The following SEMA3A variants were observed in gnomAD, a reference collection of about 807,000 sequenced individuals.
SEMA3A encodes the protein semaphorin-3A.
A neutral mutation model predicts 97.9 loss-of-function variants in SEMA3A; 29 were observed. The ratio of observed to expected loss-of-function variants is 0.30; its 90% CI spans 0.22 to 0.40. The LOEUF (loss-of-function observed/expected upper bound fraction) is 0.40. Among genes scored for constraint, SEMA3A ranks in the 10% least tolerant of loss-of-function variants. The pLI is 1.00. For missense variants in SEMA3A, 763 were observed against 951.3 expected, an observed-to-expected ratio of 0.80 and a Z score of 2.60; for synonymous variants, 321 against 323.7, an observed-to-expected ratio of 0.99 and a Z score of 0.09.
At chr7:84,410,972 C>A (rs1804249154) in intron 1 of SEMA3A, among the ~76,000 whole-genome samples, 1 of 152,046 alleles carries the variant, frequency 6.6e-6, no homozygotes, top group African/African-American at 2.4e-5. Flanking sequence ...GGGATTGTAA[C>A]TTTTTATTCC....
At chr7:84,418,607 C>T (rs1804499449) in intron 1 of SEMA3A, among the ~76,000 whole-genome samples, 1 of 151,944 alleles carries the variant, frequency 6.6e-6, no homozygotes, top group African/African-American at 2.4e-5. Flanking sequence ...TTGCTGAGTC[C>T]TCTATTTTTC....
chr7:84,185,757 C>T (rs1214686603), intron 1 of SEMA3A, among the ~76,000 whole-genome samples: 2 of 148,024 alleles, frequency 1.4e-5, no homozygotes, highest in Admixed American at 1.3e-4. Context: ...AAGAAACCAT[C>T]ATTATAAATC....
At chr7:84,129,015 C>T (rs752507030) in intron 3 of SEMA3A, 108 bp downstream of exon 3, 16 of 789,312 alleles carry the variant, frequency 2.0e-5, no homozygotes, top group South Asian at 6.2e-5. Flanking sequence ...AGATTCTAAC[C>T]CCTTCCCCAC....
intron 12 of SEMA3A, 30 bp from the exon 13 acceptor site, chr7:83,985,507 T>C: frequency 6.3e-7 from 1 of 1,592,434 alleles, no homozygotes; most frequent in Non-Finnish European, 8.6e-7. Flanking sequence ...ATGTGAGGTG[T>C]TTGGTCAATT....
intron 1 of SEMA3A, among the ~76,000 whole-genome samples, chr7:84,425,037 T>A (rs1584315230): frequency 9.6e-6 from 1 of 103,694 alleles, no homozygotes; most frequent in Non-Finnish European, 1.7e-5. Context: ...TAATTATTTA[T>A]AATTATATAT....
chr7:84,361,446 G>A (rs765704887), intron 2 of SEMA3A, among the ~76,000 whole-genome samples: 8 of 151,976 alleles, frequency 5.3e-5, no homozygotes, highest in South Asian at 2.1e-4. Flanking sequence ...CTATTGCAAG[G>A]TAGAGGAAAT....
intron 4 of SEMA3A, among the ~76,000 whole-genome samples, chr7:84,061,991 ACT>A (rs1359580515): frequency 2.0e-5 from 3 of 152,190 alleles, no homozygotes; most frequent in Non-Finnish European, 4.4e-5. Context: ...TTCTCTGGTC[ACT>A]GTTTCATATC....
intron 2 of SEMA3A, among the ~76,000 whole-genome samples, chr7:84,349,943 A>G (rs1802394314): frequency 1.3e-5 from 2 of 152,092 alleles, no homozygotes; most frequent in Non-Finnish European, 2.9e-5. Context: ...TTATAAATCT[A>G]TCTGCCTTCT....
chr7:84,069,145 T>G (rs1793650799), intron 4 of SEMA3A, among the ~76,000 whole-genome samples: 1 of 152,108 alleles, frequency 6.6e-6, no homozygotes, highest in South Asian at 2.1e-4. Context: ...TGACACTTCT[T>G]ACACATGTTT....
chr7:84,165,115 G>C (rs1225399787), intron 1 of SEMA3A, among the ~76,000 whole-genome samples: 1 of 152,132 alleles, frequency 6.6e-6, no homozygotes, highest in East Asian at 1.9e-4. Flanking sequence ...GGCTGAAGTG[G>C]CAGAACAGCT....
chr7:83,980,623 A>T (rs200026234), intron 14 of SEMA3A, among the ~76,000 whole-genome samples: 20,700 of 70,720 alleles, frequency 0.29, 3,080 homozygotes, highest in East Asian at 0.51. Context: ...AAAAAAAAAA[A>T]ATATATATAT....
chr7:84,074,825 T>C (rs549282874), intron 4 of SEMA3A, among the ~76,000 whole-genome samples: 3,890 of 118,662 alleles, frequency 0.033, 167 homozygotes, highest in African/African-American at 0.11. Context: ...TTTTCAAAAA[T>C]TCTACACTTT....
chr7:84,440,109 G>A (rs1023444265), intron 1 of SEMA3A, among the ~76,000 whole-genome samples: 2 of 152,186 alleles, frequency 1.3e-5, no homozygotes, highest in African/African-American at 4.8e-5. Context: ...AAGATTCTGG[G>A]AAAATGGCAG....
At chr7:84,376,948 A>G (rs1272979934) in intron 1 of SEMA3A, among the ~76,000 whole-genome samples, 1 of 152,084 alleles carries the variant, frequency 6.6e-6, no homozygotes, top group African/African-American at 2.4e-5. Flanking sequence ...ATAGTTTGGA[A>G]ATACTTTCAT....
At chr7:84,024,024 A>C (rs1157160435) in intron 6 of SEMA3A, among the ~76,000 whole-genome samples, 4 of 151,966 alleles carry the variant, frequency 2.6e-5, no homozygotes, top group Admixed American at 1.3e-4. Context: ...AAAAAAAAAA[A>C]AAAAAATTAG....
At chr7:84,168,663 A>G (rs922555142) in intron 1 of SEMA3A, among the ~76,000 whole-genome samples, 5 of 151,892 alleles carry the variant, frequency 3.3e-5, no homozygotes, top group African/African-American at 1.2e-4. Flanking sequence ...TAGTTATGAA[A>G]ATTATACTTT....
Position 84,316,775 on chromosome 7 carries a change from G to T in SEMA3A, c.-168-9483C>A, listed in dbSNP as rs1273974550. 2.0e-5 allele frequency among the ~76,000 whole-genome samples: 3 copies of T among 151,728 alleles called. No individual in the cohort carries two copies. The East Asian group carries it at 5.8e-4, about 30-fold the overall frequency. On this transcript the variant is annotated intron_variant, in intron 2 of 3. Transcript: ENST00000424555. ...CAGATTTTTTTTTCCAAAACTGTTA[G>T]TGGTCCAAGAAAATAAAGGACAAGG...
At chr7:84,202,445 G>A (rs571494669) in intron 3 of SEMA3A, among the ~76,000 whole-genome samples, 44 of 152,178 alleles carry the variant, frequency 2.9e-4, no homozygotes, top group African/African-American at 1.0e-3. Flanking sequence ...ATGCTGTGAA[G>A]CCTCTTTCTA....
chr7:84,304,033 CT>C (rs1282649156), intron 3 of SEMA3A, among the ~76,000 whole-genome samples: 1 of 152,016 alleles, frequency 6.6e-6, no homozygotes, highest in East Asian at 1.9e-4. Context: ...ACCAAAGGTT[CT>C]TATTCTTTCT....
Sources: allele counts gnomAD v4.1 joint callset (sites outside exome capture counted in the v4.1 genomes callset), GRCh38; gene constraint gnomAD v4.1.1; transcripts MANE v1.5; gene names NCBI Gene and HGNC (gene_info 2026-07-23, HGNC 2026-07-21).